The following ST18 variants were observed in gnomAD, a reference collection of about 807,000 sequenced individuals.
ST18 encodes the protein suppression of tumorigenicity 18 protein.
Under a neutral mutation model 110.0 loss-of-function variants are expected in ST18, and 50 were observed. The observed-to-expected ratio is 0.45, with a 90% confidence interval of 0.36 to 0.58. The LOEUF (loss-of-function observed/expected upper bound fraction) is 0.58, where lower values mean the gene tolerates loss of function less well. Ranked by LOEUF, ST18 falls within the 20% of genes least tolerant of loss-of-function variation. The pLI, the probability that ST18 is intolerant of heterozygous loss-of-function variation, is 0.00. For synonymous variants in ST18, 461 were observed against 452.4 expected (o/e 1.02, Z -0.24); for missense variants, 1,306 against 1,280.1 (o/e 1.02, Z -0.31).
chr8:52,364,616 C>A (rs1440765321), intron 2 of ST18, among the ~76,000 whole-genome samples: 3 of 152,216 alleles, frequency 2.0e-5, no homozygotes, highest in Non-Finnish European at 2.9e-5. Flanking sequence ...CTGACACCAA[C>A]ATGTATTTTT....
At chr8:52,338,063 T>C (rs1812974907) in intron 2 of ST18, among the ~76,000 whole-genome samples, 1 of 152,222 alleles carries the variant, frequency 6.6e-6, no homozygotes, top group Non-Finnish European at 1.5e-5. Context: ...CATTTATTTA[T>C]TTATTCATTT....
chr8:52,212,192 A>AG, intron 7 of ST18, 83 bp from the exon 8 acceptor site: 1 of 1,349,756 alleles, frequency 7.4e-7, no homozygotes, highest in Admixed American at 2.1e-5. Context: ...TCCCCCACCT[A>AG]GAGGTAACGA....
intron 2 of ST18, among the ~76,000 whole-genome samples, chr8:52,244,494 A>G (rs1022091508): frequency 6.6e-6 from 1 of 152,182 alleles, no homozygotes; most frequent in African/African-American, 2.4e-5. Flanking sequence ...TATAATCCCT[A>G]GGAAAAAAAT....
intron 13 of ST18, among the ~76,000 whole-genome samples, chr8:52,161,817 A>G (rs1043376890): frequency 6.6e-6 from 1 of 152,230 alleles, no homozygotes; most frequent in Non-Finnish European, 1.5e-5. Flanking sequence ...TCCTCCCATC[A>G]GCAAATTAAG....
chr8:52,194,348 C>T (rs1214832637), intron 8 of ST18: 1 of 152,242 alleles, frequency 6.6e-6, no homozygotes, highest in Non-Finnish European at 1.5e-5. Flanking sequence ...GCCAGCAAGG[C>T]ATTTGGCATT....
intron 2 of ST18, among the ~76,000 whole-genome samples, chr8:52,391,325 A>T (rs6473725): frequency 6.6e-6 from 1 of 152,152 alleles, no homozygotes; most frequent in East Asian, 1.9e-4. Context: ...CTGTGAACCC[A>T]GCCACCACCC....
chr8:52,307,132 G>A (rs1229666698), intron 2 of ST18, among the ~76,000 whole-genome samples: 1 of 151,908 alleles, frequency 6.6e-6, no homozygotes, highest in African/African-American at 2.4e-5. Context: ...CAACCTGGGC[G>A]GCATAGTGGG....
chr8:52,260,777 A>C (rs936454546), intron 2 of ST18, among the ~76,000 whole-genome samples: 1 of 152,202 alleles, frequency 6.6e-6, no homozygotes, highest in East Asian at 1.9e-4. Context: ...CCCTCTTTAC[A>C]GAAAGGCAAG....
intron 15 of ST18, among the ~76,000 whole-genome samples, chr8:52,155,800 T>C (rs1021975884): frequency 4.6e-5 from 7 of 152,192 alleles, no homozygotes; most frequent in Admixed American, 1.3e-4. Flanking sequence ...CCCATTAAGC[T>C]TGGAGTCTGT....
chr8:52,244,672 C>A (rs1043451436), intron 2 of ST18, among the ~76,000 whole-genome samples: 3 of 152,152 alleles, frequency 2.0e-5, no homozygotes, highest in African/African-American at 7.2e-5. Flanking sequence ...CCTTATTTGT[C>A]CCTACATGTT....
At chr8:52,305,664 AG>A (rs1028395252) in intron 2 of ST18, among the ~76,000 whole-genome samples, 6 of 152,172 alleles carry the variant, frequency 3.9e-5, no homozygotes, top group Admixed American at 2.6e-4. Flanking sequence ...ACAACCTAGA[AG>A]CCTCCCTGAC....
chr8:52,116,221 G>A (rs578202236), intron 25 of ST18, 54 bp downstream of exon 25: 4 of 1,583,354 alleles, frequency 2.5e-6, no homozygotes, highest in Admixed American at 1.7e-5. Flanking sequence ...GTAGATGCAT[G>A]ATGACACTGC....
In ST18 at chr8:52,404,507, A is replaced by C. The variant is rs183913009; in HGVS notation, c.-465+4821T>G. On this transcript the variant is annotated intron_variant, in intron 2 of 25. Coordinates refer to ENST00000689386, the MANE Select transcript of ST18 (RefSeq NM_001352837.2). ...ATAGAGGGCAGGCCATGTGACGGATAAAGAAGGAAGGAGGAAAAGAAGGCT... is the reference window on the plus strand; with the variant it reads ...ATAGAGGGCAGGCCATGTGACGGATCAAGAAGGAAGGAGGAAAAGAAGGCT... The C allele has an allele frequency of 9.2e-5, 14 of 152,376 alleles. No individual in the cohort carries two copies. In the East Asian group the frequency reaches 2.3e-3, roughly 25 times the overall value. The allele number at this position is 152,376 out of a possible 1,614,324, so 9.4% of individuals were successfully genotyped here.
intron 15 of ST18, among the ~76,000 whole-genome samples, chr8:52,151,168 G>A (rs887880012): frequency 1.3e-5 from 2 of 152,098 alleles, no homozygotes; most frequent in African/African-American, 2.4e-5. Context: ...CAGGGGATTT[G>A]TTTTAACTCT....
At chr8:52,135,397 C>G (rs1264552882) in intron 19 of ST18, among the ~76,000 whole-genome samples, 1 of 151,550 alleles carries the variant, frequency 6.6e-6, no homozygotes, top group Non-Finnish European at 1.5e-5. Context: ...AGTGTCTCTA[C>G]TAAAAATACA....
At chr8:52,118,073 T>C (rs900395871) in intron 24 of ST18, among the ~76,000 whole-genome samples, 1 of 152,230 alleles carries the variant, frequency 6.6e-6, no homozygotes, top group African/African-American at 2.4e-5. Context: ...TCTTGGGTTA[T>C]AGGATGATCT....
chr8:52,398,570 T>C (rs1396241057), intron 2 of ST18, among the ~76,000 whole-genome samples: 3 of 152,196 alleles, frequency 2.0e-5, no homozygotes, highest in Admixed American at 1.3e-4. Context: ...GCTTTTATTA[T>C]GTTGAGGAAC....
chr8:52,114,821 G>A (rs192042665), intron 25 of ST18, among the ~76,000 whole-genome samples: 2 of 152,148 alleles, frequency 1.3e-5, no homozygotes, highest in African/African-American at 2.4e-5. Context: ...ACTAATGCTC[G>A]CTCTTTGGTG....
chr8:52,331,908 C>A (rs1385000289), intron 2 of ST18, among the ~76,000 whole-genome samples: 1 of 152,162 alleles, frequency 6.6e-6, no homozygotes, highest in African/African-American at 2.4e-5. Flanking sequence ...GAATGAAGGA[C>A]TCCTCTTCTC....
Sources: gnomAD v4.1 joint callset for allele counts (sites outside exome capture counted in the v4.1 genomes callset) on GRCh38, gnomAD v4.1.1 for gene constraint, MANE v1.5 for transcripts, NCBI Gene and HGNC (gene_info 2026-07-23, HGNC 2026-07-21) for gene names.